The following CABIN1 variants were observed in gnomAD, a reference collection of about 807,000 sequenced individuals.
The protein encoded by CABIN1 is calcineurin binding protein 1.
Under a neutral mutation model 227.7 loss-of-function variants are expected in CABIN1, and 133 were observed. That is an observed-to-expected ratio of 0.58 (90% confidence interval 0.51 to 0.67). CABIN1 has a LOEUF of 0.67. CABIN1 is among the 30% of genes least tolerant of loss of function. The pLI, the probability that CABIN1 is intolerant of heterozygous loss-of-function variation, is 0.00. For synonymous variants in CABIN1, 1,086 were observed against 1,155.1 expected, an observed-to-expected ratio of 0.94 and a Z score of 1.21; for missense variants, 2,408 against 2,852.5, an observed-to-expected ratio of 0.84 and a Z score of 3.55.
chr22:24,082,925 G>T (rs999028962), intron 19 of CABIN1, among the ~76,000 whole-genome samples: 11 of 152,316 alleles, frequency 7.2e-5, no homozygotes, highest in African/African-American at 2.6e-4. Flanking sequence ...TTCCCAGGAG[G>T]CAAATATCTT....
At chr22:24,156,225 C>G in intron 29 of CABIN1, 2 of 388,686 alleles carry the variant, frequency 5.1e-6, no homozygotes, top group East Asian at 3.7e-5. Flanking sequence ...CTCTGGCGGC[C>G]GCCCCCCGCC....
chr22:24,076,585 C>G (rs773774475), intron 19 of CABIN1, among the ~76,000 whole-genome samples: 1 of 152,152 alleles, frequency 6.6e-6, no homozygotes, highest in Non-Finnish European at 1.5e-5. Flanking sequence ...TCTTCCTAGT[C>G]AGGCACGGGG....
chr22:24,063,984 T>A, intron 14 of CABIN1, 51 bp from the exon 15 acceptor site: 1 of 1,611,440 alleles, frequency 6.2e-7, no homozygotes, highest in Non-Finnish European at 8.5e-7. Context: ...ATCTGGCACA[T>A]CATAGTCAGT....
intron 1 of CABIN1, among the ~76,000 whole-genome samples, chr22:24,021,957 T>G (rs1489245161): frequency 6.6e-6 from 1 of 152,218 alleles, no homozygotes; most frequent in African/African-American, 2.4e-5. Flanking sequence ...AGTGCTGGGA[T>G]TACAGGTGTG....
intron 1 of CABIN1, among the ~76,000 whole-genome samples, chr22:24,015,694 C>T (rs1057259395): frequency 5.3e-4 from 81 of 151,820 alleles, no homozygotes; most frequent in African/African-American, 1.9e-3. Flanking sequence ...TGGTGGCTCA[C>T]GCCTGTAATC....
intron 29 of CABIN1, among the ~76,000 whole-genome samples, chr22:24,159,893 A>G (rs12484557): frequency 0.052 from 7,915 of 152,278 alleles, 290 homozygotes; most frequent in South Asian, 0.11. Flanking sequence ...TGCCCCTGCA[A>G]TGGGCCTTTG....
At chr22:24,144,884 C>T (rs1462718255) in intron 29 of CABIN1, among the ~76,000 whole-genome samples, 1 of 152,234 alleles carries the variant, frequency 6.6e-6, no homozygotes, top group Non-Finnish European at 1.5e-5. Flanking sequence ...CTGCCTGAGC[C>T]CCTATGGGAG....
rs74645846 is a variant in CABIN1 at position 24,115,662 on chromosome 22, C to G, written c.4300+1914C>G. Among the ~76,000 whole-genome samples, 1,242 of 152,306 alleles carry G rather than the reference C, an allele frequency of 8.2e-3. 21 individuals carry two copies. The highest frequency in any genetic ancestry group is 0.029 in the African/African-American group (1,196 of 41,550). On this transcript the variant is annotated intron_variant, in intron 27 of 36. Transcript: ENST00000263119. ...AGTGGTGGTCTCTAACACGCACTCCCCTGATCTCCCATTGGGTAGCAGCCT... is the reference window on the plus strand; with the variant it reads ...AGTGGTGGTCTCTAACACGCACTCCGCTGATCTCCCATTGGGTAGCAGCCT...
chr22:24,035,549 G>C (rs2036807776), intron 2 of CABIN1, 29 bp downstream of exon 2: 5 of 1,613,886 alleles, frequency 3.1e-6, no homozygotes, highest in Non-Finnish European at 3.4e-6. Flanking sequence ...CTATTTTGCG[G>C]ACCTCAGTGT....
intron 19 of CABIN1, among the ~76,000 whole-genome samples, chr22:24,079,980 G>T (rs1401256848): frequency 2.0e-5 from 3 of 151,998 alleles, no homozygotes; most frequent in Non-Finnish European, 4.4e-5. Flanking sequence ...TCTCCTTTGA[G>T]GTTTGTGATT....
At chr22:24,134,842 C>T (rs2044293726) in intron 29 of CABIN1, among the ~76,000 whole-genome samples, 1 of 152,226 alleles carries the variant, frequency 6.6e-6, no homozygotes, top group South Asian at 2.1e-4. Context: ...CTTTTGGAGG[C>T]CGAGGCGGGC....
intron 29 of CABIN1, among the ~76,000 whole-genome samples, chr22:24,160,886 C>T (rs906009231): frequency 6.6e-6 from 1 of 152,258 alleles, no homozygotes; most frequent in Non-Finnish European, 1.5e-5. Flanking sequence ...CCGGCAGCAT[C>T]CTACCACCTC....
chr22:24,083,229 T>A lies in CABIN1; in HGVS notation c.2750T>A (p.Val917Glu), dbSNP rs1387801276. The change falls in exon 20 of 37, where the codon GTG becomes GAG. Residue 917 changes from valine (V) to glutamate (E), a missense_variant and splice_region_variant. Physicochemically the swap from Val to Glu is moderately radical, Grantham distance 121. Coordinates refer to ENST00000263119, the MANE Select transcript of CABIN1 (RefSeq NM_012295.4). ...NSDGALLRFY[V>E]RVLQKELAAS... ...GGCCATCTCTTCTGCCCACCACAGG[T>A]GCGAGTACTCCAGAAGGAACTGGCT... 1 of 1,612,188 alleles carries A rather than the reference T, an allele frequency of 6.2e-7. No homozygotes were observed. Among genetic ancestry groups the A allele is most frequent in the Non-Finnish European group, 8.5e-7 (1 of 1,179,980 alleles).
intron 29 of CABIN1, among the ~76,000 whole-genome samples, chr22:24,136,738 C>T (rs1314050326): frequency 6.9e-6 from 1 of 143,946 alleles, no homozygotes; most frequent in Non-Finnish European, 1.5e-5. Context: ...CACACACACA[C>T]GCACACACAC....
Position 24,087,470 on chromosome 22 carries a change from C to T in CABIN1, c.3282C>T (p.Gly1094=). 1 of 1,614,018 alleles carries T rather than the reference C, an allele frequency of 6.2e-7. No homozygotes were observed. The part of the protein sequence containing the change: ...ICPNRFDSWA[G]MALARASRIQ... ...ACCACAGGTTTGATTCCTGGGCAGG[C>T]ATGGCTCTGGCCCGGGCCAGCCGCA... Residue 1094 remains glycine, a synonymous_variant, in exon 23 of 37, where the codon GGC becomes GGT. Transcript: ENST00000263119.
At chr22:24,063,899 AG>A (rs763367575) in intron 14 of CABIN1, 135 bp from the exon 15 acceptor site, 1 of 986,778 alleles carries the variant, frequency 1.0e-6, no homozygotes, top group South Asian at 1.3e-5. Context: ...GGCCTTTCTT[AG>A]GGGGGTACAG....
chr22:24,121,898 C>A (rs527291681), intron 28 of CABIN1, among the ~76,000 whole-genome samples: 1 of 152,242 alleles, frequency 6.6e-6, no homozygotes, highest in African/African-American at 2.4e-5. Context: ...AGCTCAGACC[C>A]TTCCTCATCC....
chr22:24,172,013 C>A lies in CABIN1; in HGVS notation c.6040+18C>A, dbSNP rs747337313. On this transcript the variant is annotated intron_variant, in intron 34 of 36. Transcript: ENST00000263119. ...GGGCCCAGGTGAGTCCCATCCCAGT[C>A]CAGAGCTGGGCCCAGGCCCCTGCCA... 1 of 1,604,400 alleles carries A rather than the reference C, an allele frequency of 6.2e-7. No homozygotes were observed. The highest frequency in any genetic ancestry group is 1.1e-5 in the South Asian group (1 of 90,644).
chr22:24,133,444 G>A (rs2148178003), intron 28 of CABIN1, among the ~76,000 whole-genome samples: 1 of 152,364 alleles, frequency 6.6e-6, no homozygotes, highest in African/African-American at 2.4e-5. Flanking sequence ...GGAGTGCAAG[G>A]TGATGAAGGC....
Sources: gnomAD v4.1 joint callset for allele counts (sites outside exome capture counted in the v4.1 genomes callset) on GRCh38, gnomAD v4.1.1 for gene constraint, MANE v1.5 for transcripts, NCBI Gene and HGNC (gene_info 2026-07-23, HGNC 2026-07-21) for gene names.